Variants in CDH9 observed in about 807,000 individuals in gnomAD.
CDH9 encodes cadherin 9.
Under a neutral mutation model 70.9 loss-of-function variants are expected in CDH9, and 28 were observed. The observed-to-expected ratio is 0.40, with a 90% confidence interval of 0.29 to 0.54. The LOEUF is 0.54. Ranked by LOEUF, CDH9 falls within the 20% of genes least tolerant of loss-of-function variation. The probability of loss-of-function intolerance (pLI) is 0.59; values close to 1 mark genes in which losing one functional copy is unlikely to be tolerated. For missense variants in CDH9, 874 were observed against 984.4 expected (o/e 0.89, Z 1.50); for synonymous variants, 409 against 343.1 (o/e 1.19, Z -2.12).
chr5:27,007,734 C>A (rs80187432), intron 1 of CDH9, among the ~76,000 whole-genome samples: 4,514 of 151,976 alleles, frequency 0.03, 221 homozygotes, highest in African/African-American at 0.1. Flanking sequence ...AATCAAGCAG[C>A]AGGTCTAATC....
chr5:26,974,004 G>A (rs1579487383), intron 2 of CDH9, among the ~76,000 whole-genome samples: 1 of 152,122 alleles, frequency 6.6e-6, no homozygotes, highest in Non-Finnish European at 1.5e-5. Context: ...TAACACTTTG[G>A]GAGGCCAAGG....
At chr5:26,893,701 AT>A (rs1200472727) in intron 7 of CDH9, among the ~76,000 whole-genome samples, 9 of 133,724 alleles carry the variant, frequency 6.7e-5, no homozygotes, top group Admixed American at 3.3e-4. Context: ...ATTTTATTTT[AT>A]TTTTATTTTT....
At chr5:26,882,592 C>T (rs1740485412) in intron 11 of CDH9, among the ~76,000 whole-genome samples, 1 of 151,890 alleles carries the variant, frequency 6.6e-6, no homozygotes, top group Admixed American at 6.6e-5. Context: ...TATAAATTTT[C>T]CATTAAAGAT....
intron 1 of CDH9, among the ~76,000 whole-genome samples, chr5:27,001,141 T>G (rs1456423827): frequency 6.6e-6 from 1 of 152,030 alleles, no homozygotes; most frequent in African/African-American, 2.4e-5. Context: ...ATTTAGTAGG[T>G]AGGAGCTGGA....
intron 1 of CDH9, among the ~76,000 whole-genome samples, chr5:27,021,713 A>C (rs1316845935): frequency 2.0e-5 from 3 of 151,868 alleles, no homozygotes; most frequent in Admixed American, 6.6e-5. Flanking sequence ...TTCCCCATAG[A>C]CTGGGGCAAG....
chr5:26,911,435 C>T (rs537757214), intron 3 of CDH9, among the ~76,000 whole-genome samples: 16 of 151,978 alleles, frequency 1.1e-4, no homozygotes, highest in Non-Finnish European at 1.0e-4. Context: ...ATTCATTGAC[C>T]GAGTTATTTT....
chr5:26,936,089 G>C (rs2112029675), intron 2 of CDH9, among the ~76,000 whole-genome samples: 1 of 150,692 alleles, frequency 6.6e-6, no homozygotes, highest in Non-Finnish European at 1.5e-5. Context: ...GGACTTTGAG[G>C]ATTTGGTGGG....
In CDH9 at chr5:26,988,366, TG is replaced by T. The variant is rs757355755; in HGVS notation, c.-34del. On this transcript the variant is annotated 5_prime_UTR_variant, in exon 2 of 12. Transcript: ENST00000231021. ...AACTTCAGTGGGTTGTCAAATTCAA[TG>T]TATTGTTTGTTTTTCCTAAAGAGTA... is the stretch of plus-strand genomic sequence containing the variant. The T allele has an allele frequency of 6.3e-7, 1 of 1,597,238 alleles. No individual in the cohort carries two copies. The highest frequency in any genetic ancestry group is 1.1e-5 in the South Asian group (1 of 89,996).
chr5:26,939,058 G>T (rs1484914876), intron 2 of CDH9, among the ~76,000 whole-genome samples: 6 of 151,838 alleles, frequency 4.0e-5, no homozygotes, highest in African/African-American at 1.4e-4. Context: ...ATATCTTCAG[G>T]ATGTGACATA....
intron 7 of CDH9, among the ~76,000 whole-genome samples, chr5:26,896,245 T>C (rs1252717867): frequency 6.6e-6 from 1 of 151,912 alleles, no homozygotes. Flanking sequence ...TTTGCAAATT[T>C]TACTATCAGT....
At chr5:26,976,932 A>G (rs1175236) in intron 2 of CDH9, among the ~76,000 whole-genome samples, 149,216 of 151,986 alleles carry the variant, frequency 0.98, 73,319 homozygotes, top group Middle Eastern at 1. Context: ...TAAAATTACT[A>G]TCTCTTATTT....
At chr5:26,945,663 AT>A (rs1326297922) in intron 2 of CDH9, among the ~76,000 whole-genome samples, 4 of 152,224 alleles carry the variant, frequency 2.6e-5, no homozygotes, top group African/African-American at 9.6e-5. Flanking sequence ...GCATATGGTC[AT>A]ATCACATTTT....
chr5:26,989,970 A>G (rs1742553962), intron 1 of CDH9, among the ~76,000 whole-genome samples: 1 of 152,160 alleles, frequency 6.6e-6, no homozygotes, highest in Admixed American at 6.6e-5. Flanking sequence ...GACGATAGCA[A>G]ATCTGAGGTG....
At chr5:27,022,239 T>C (rs1561043831) in intron 1 of CDH9, among the ~76,000 whole-genome samples, 1 of 152,074 alleles carries the variant, frequency 6.6e-6, no homozygotes, top group South Asian at 2.1e-4. Context: ...TAACTGATTG[T>C]ACATGTTTTT....
chr5:26,989,477 G>A (rs906349479), intron 1 of CDH9, among the ~76,000 whole-genome samples: 1 of 151,364 alleles, frequency 6.6e-6, no homozygotes, highest in African/African-American at 2.4e-5. Context: ...AGAATTAGGG[G>A]CTTGAGTATT....
At chr5:27,032,626 G>A (rs545397527) in intron 1 of CDH9, among the ~76,000 whole-genome samples, 1 of 151,554 alleles carries the variant, frequency 6.6e-6, no homozygotes, top group Admixed American at 6.6e-5. Context: ...TTAATAAGTT[G>A]TGACATTAAT....
intron 7 of CDH9, among the ~76,000 whole-genome samples, chr5:26,893,874 A>G (rs760193750): frequency 8.5e-5 from 13 of 152,208 alleles, no homozygotes; most frequent in Admixed American, 2.0e-4. Flanking sequence ...ACATGAAACA[A>G]AATATTATGT....
At chr5:26,908,213 C>G (rs1309820999) in intron 3 of CDH9, among the ~76,000 whole-genome samples, 1 of 152,116 alleles carries the variant, frequency 6.6e-6, no homozygotes, top group African/African-American at 2.4e-5. Context: ...TTAATCCATT[C>G]CAGCTGTAAG....
chr5:27,016,014 C>A (rs907007869), intron 1 of CDH9, among the ~76,000 whole-genome samples: 23 of 151,802 alleles, frequency 1.5e-4, no homozygotes, highest in African/African-American at 5.6e-4. Flanking sequence ...CATGTACTGA[C>A]ATCTTACATA....
Sources: gnomAD v4.1 joint callset for allele counts (sites outside exome capture counted in the v4.1 genomes callset) on GRCh38, gnomAD v4.1.1 for gene constraint, MANE v1.5 for transcripts, NCBI Gene and HGNC (gene_info 2026-07-23, HGNC 2026-07-21) for gene names.